The following COL4A4 variants were observed in gnomAD, a reference collection of about 807,000 sequenced individuals.
The protein encoded by COL4A4 is collagen alpha-4(IV) chain.
A neutral mutation model predicts 192.9 loss-of-function variants in COL4A4; 105 were observed. The ratio of observed to expected loss-of-function variants is 0.54; its 90% CI spans 0.46 to 0.64. The LOEUF (loss-of-function observed/expected upper bound fraction) is 0.64. Among genes scored for constraint, COL4A4 ranks in the 30% least tolerant of loss-of-function variants. COL4A4 has a pLI of 0.00. For missense variants in COL4A4, 1,967 were observed against 2,169.3 expected, an observed-to-expected ratio of 0.91 and a Z score of 1.85; for synonymous variants, 762 against 769.9, an observed-to-expected ratio of 0.99 and a Z score of 0.17.
chr2:227,129,093 C>T (rs1172459782), intron 4 of COL4A4, among the ~76,000 whole-genome samples: 1 of 152,184 alleles, frequency 6.6e-6, no homozygotes, highest in Non-Finnish European at 1.5e-5. Flanking sequence ...CACAACACAA[C>T]AGTGTGTTAA....
chr2:227,088,750 C>T lies in COL4A4; in HGVS notation c.1526G>A (p.Gly509Glu). The T allele has an allele frequency of 1.2e-6, 2 of 1,614,034 alleles. No individual in the cohort carries two copies. The highest frequency in any genetic ancestry group is 1.7e-6 in the Non-Finnish European group (2 of 1,179,954). ...CAAGTCTCCCTTACTCCCCTGCCTC[C>T]CAGGAAGTCCTGGAGGGCCAGGGGG... is the stretch of plus-strand genomic sequence containing the variant. ...MGPPGPPGLP[G>E]RQGSKGDLGL... Residue 509 changes from glycine to glutamate, a missense_variant, in exon 22 of 48, where the codon GGG becomes GAG. Gly to Glu is a moderately conservative substitution (Grantham distance 98). Transcript: ENST00000396625.
At chr2:227,015,597 C>G (rs1317989087) in intron 44 of COL4A4, among the ~76,000 whole-genome samples, 1 of 152,188 alleles carries the variant, frequency 6.6e-6, no homozygotes, top group Non-Finnish European at 1.5e-5. Flanking sequence ...CATGTCCAAA[C>G]TGACTTGCTC....
rs777112177 is a variant in COL4A4, at chr2:227,022,039, G to A, written c.4216+9C>T. ...TGAAAATAATGAACAATCAGCATGC[G>A]GCTCATACCTGGTCCTGAGGGGCCT... On this transcript the variant is annotated intron_variant, in intron 44 of 47. Transcript: ENST00000396625. 1.3e-5 allele frequency: 21 copies of A among 1,611,868 alleles called. No individual in the cohort carries two copies. Among genetic ancestry groups the A allele is most frequent in the Admixed American group, 3.4e-5 (2 of 59,682 alleles).
chr2:227,153,549 C>A (rs948604714), intron 1 of COL4A4, among the ~76,000 whole-genome samples: 1 of 152,072 alleles, frequency 6.6e-6, no homozygotes, highest in African/African-American at 2.4e-5. Context: ...GCAGCCCAAC[C>A]CAGAACTTGG....
chr2:227,001,335 C>A (rs181189517), downstream of COL4A4, among the ~76,000 whole-genome samples: 180 of 152,110 alleles, frequency 1.2e-3, no homozygotes, highest in African/African-American at 4.2e-3. Flanking sequence ...CCTCATGATC[C>A]GCCCACCTTG....
At chr2:227,040,781 C>T (rs1230918138) in intron 37 of COL4A4, among the ~76,000 whole-genome samples, 1 of 151,962 alleles carries the variant, frequency 6.6e-6, no homozygotes, top group East Asian at 1.9e-4. Context: ...CCAGGCTGGT[C>T]TCGAACTACT....
chr2:227,100,391 A>C (rs1450007240), intron 17 of COL4A4, among the ~76,000 whole-genome samples: 1 of 152,228 alleles, frequency 6.6e-6, no homozygotes, highest in Non-Finnish European at 1.5e-5. Context: ...AATAACACAC[A>C]GCATGCATTA....
chr2:227,045,726 G>A (rs1188905511), intron 35 of COL4A4, among the ~76,000 whole-genome samples: 1 of 143,210 alleles, frequency 7.0e-6, no homozygotes, highest in African/African-American at 2.6e-5. Context: ...CCAAGATTGT[G>A]CCACTCCACT....
At chr2:227,077,265 C>A (rs57858280) in intron 25 of COL4A4, among the ~76,000 whole-genome samples, 2 of 151,752 alleles carry the variant, frequency 1.3e-5, no homozygotes, top group Non-Finnish European at 2.9e-5. Context: ...ATAGACTGGA[C>A]AAAGAAAATG....
intron 21 of COL4A4, among the ~76,000 whole-genome samples, chr2:227,089,088 A>T (rs1311451452): frequency 6.6e-6 from 1 of 152,112 alleles, no homozygotes; most frequent in East Asian, 1.9e-4. Flanking sequence ...TCTAGGGAAA[A>T]GCTGATATCC....
chr2:227,079,304 A>T (rs2059199720), intron 24 of COL4A4, among the ~76,000 whole-genome samples: 1 of 152,220 alleles, frequency 6.6e-6, no homozygotes, highest in African/African-American at 2.4e-5. Flanking sequence ...TTCGTCTCCT[A>T]GTTTGATCTA....
At chr2:226,982,568 A>G in the COL4A4 span, among the ~76,000 whole-genome samples, 1 of 152,226 alleles carries the variant, frequency 6.6e-6, no homozygotes, top group African/African-American at 2.4e-5. Context: ...TAATGTGGCC[A>G]GAACCCCAGA....
At chr2:227,154,785 A>T (rs2064207874) in intron 1 of COL4A4, among the ~76,000 whole-genome samples, 1 of 152,236 alleles carries the variant, frequency 6.6e-6, no homozygotes, top group Non-Finnish European at 1.5e-5. Context: ...AAAAAGAATG[A>T]CATGTCTTAT....
At chr2:226,969,377 G>A in the COL4A4 span, among the ~76,000 whole-genome samples, 1 of 144,792 alleles carries the variant, frequency 6.9e-6, no homozygotes, top group Non-Finnish European at 1.5e-5. Flanking sequence ...ATTTGCTCTG[G>A]GCTAAGACAG....
At chr2:227,101,180 T>C (rs913595573) in intron 17 of COL4A4, among the ~76,000 whole-genome samples, 1 of 152,158 alleles carries the variant, frequency 6.6e-6, no homozygotes, top group Non-Finnish European at 1.5e-5. Flanking sequence ...AGTTTCCCTG[T>C]ACAAACTCTC....
chr2:227,030,467 A>G lies in COL4A4; in HGVS notation c.3949T>C (p.Cys1317Arg). The change falls in exon 41 of 48, where the codon TGT (cysteine) becomes CGT (arginine). Residue 1317 changes from cysteine (C) to arginine (R), a missense_variant. Cys to Arg is a radical substitution (Grantham distance 180). Coordinates refer to ENST00000396625, the MANE Select transcript of COL4A4 (RefSeq NM_000092.5). Reference sequence around the variant, plus strand: ...CCTTTCTGGCCATCTTTTCCATCACATCCTGGAAAGCCTTTGTATCCTGGA... The same window carrying G: ...CCTTTCTGGCCATCTTTTCCATCACGTCCTGGAAAGCCTTTGTATCCTGGA... ...GPPGYKGFPG[C>R]DGKDGQKGPV... 6.2e-7 allele frequency: 1 copy of G among 1,614,184 alleles called. No individual in the cohort carries two copies. Among genetic ancestry groups the G allele is most frequent in the Non-Finnish European group, 8.5e-7 (1 of 1,180,022 alleles).
At chr2:227,116,036 G>C (rs920568520) in intron 7 of COL4A4, among the ~76,000 whole-genome samples, 2 of 152,218 alleles carry the variant, frequency 1.3e-5, no homozygotes, top group Non-Finnish European at 2.9e-5. Flanking sequence ...CTGAGAGGAC[G>C]ACTACTGCCA....
Position 227,069,216 on chromosome 2 carries a change from G to C in COL4A4, c.1988-6618C>G, listed in dbSNP as rs906986694. 4.4e-4 allele frequency among the ~76,000 whole-genome samples: 65 copies of C among 149,262 alleles called. No homozygotes were observed. The East Asian group carries it at 9.6e-3, about 22-fold the overall frequency. On this transcript the variant is annotated intron_variant, in intron 25 of 47. Transcript: ENST00000396625. The stretch of plus-strand genomic sequence containing the variant: ...CAAACCACTGCTCAAGGAAATAAAA[G>C]AGGATACAAACAAATGGAAGAATAT...
rs115803129 is a variant in COL4A4, at chr2:227,133,291, G to A, written c.192+6870C>T. 1.9e-3 allele frequency among the ~76,000 whole-genome samples: 296 copies of A among 152,332 alleles called. 1 individual carries two copies. Among genetic ancestry groups the A allele is most frequent in the African/African-American group, 6.8e-3 (284 of 41,574 alleles). ...ACCCAAACCACAACTAGGATTCCCA[G>A]GGGAGAGTCTTGTTATGTTAGCTCT... On this transcript the variant is annotated intron_variant, in intron 4 of 47. Transcript: ENST00000396625.
Sources: gnomAD v4.1 joint callset for allele counts (sites outside exome capture counted in the v4.1 genomes callset) on GRCh38, gnomAD v4.1.1 for gene constraint, MANE v1.5 for transcripts, NCBI Gene and HGNC (gene_info 2026-07-23, HGNC 2026-07-21) for gene names.